KAT6A: variants seen among roughly 807,000 people sequenced by gnomAD.
KAT6A encodes the protein histone acetyltransferase KAT6A.
In KAT6A, 9 loss-of-function variants were observed where a neutral mutation model predicts 198.4. That is an observed-to-expected ratio of 0.05 (90% CI 0.03 to 0.08). The LOEUF is 0.08. KAT6A is among the 10% of genes least tolerant of loss of function. KAT6A has a pLI of 1.00. For missense variants in KAT6A, 2,077 were observed against 2,509.9 expected, an observed-to-expected ratio of 0.83 and a Z score of 3.69; for synonymous variants, 890 against 883.0, an observed-to-expected ratio of 1.01 and a Z score of -0.14.
At chr8:41,991,926 CAAAA>C (rs1313103678) in intron 2 of KAT6A, among the ~76,000 whole-genome samples, 3 of 152,114 alleles carry the variant, frequency 2.0e-5, no homozygotes, top group Admixed American at 2.0e-4. Flanking sequence ...AAAACAGAAA[CAAAA>C]GAAGTAATGA....
At chr8:41,967,274 A>AATTTCTTTATTT (rs1554686630) in intron 8 of KAT6A, among the ~76,000 whole-genome samples, 1 of 142,798 alleles carries the variant, frequency 7.0e-6, no homozygotes, top group Admixed American at 6.9e-5. Context: ...TAAAAAAAAA[A>AATTTCTTTATTT]ATTTATTTAT....
chr8:41,948,709 T>C (rs1822516251), intron 10 of KAT6A, among the ~76,000 whole-genome samples: 1 of 152,204 alleles, frequency 6.6e-6, no homozygotes, highest in Non-Finnish European at 1.5e-5. Flanking sequence ...CCTCTACTGA[T>C]CACTTAAAAG....
At chr8:41,992,597 A>G (rs117129490) in intron 2 of KAT6A, among the ~76,000 whole-genome samples, 1 of 152,312 alleles carries the variant, frequency 6.6e-6, no homozygotes, top group Non-Finnish European at 1.5e-5. Context: ...ACACAATTCA[A>G]TGTAATGACC....
At chr8:41,976,987 A>C in intron 7 of KAT6A, 21 bp downstream of exon 7, 1 of 1,546,212 alleles carries the variant, frequency 6.5e-7, no homozygotes, top group Non-Finnish European at 8.7e-7. Flanking sequence ...ATTTGTTTCT[A>C]AGTCTGTTCT....
Position 41,932,118 on chromosome 8 carries a change from A to G in KAT6A, c.*87T>C. The G allele has an allele frequency of 8.2e-7, 1 of 1,217,060 alleles. No homozygotes were observed. Among genetic ancestry groups the G allele is most frequent in the Non-Finnish European group, 1.1e-6 (1 of 943,540 alleles). The allele number at this position is 1,217,060 out of a possible 1,614,324, so 75.4% of individuals were successfully genotyped here. A position where few individuals can be genotyped will look rare whatever the true frequency, so the allele number is the denominator to read the frequency against. On this transcript the variant is annotated 3_prime_UTR_variant, in exon 17 of 17. Transcript: ENST00000265713. ...AAATCTACAGCAATATTTTAACTGG[A>G]AAAAGGTCCATTTTTCTCTGGTTTG...
At chr8:42,021,461 T>A (rs1403344740) in intron 2 of KAT6A, among the ~76,000 whole-genome samples, 1 of 152,224 alleles carries the variant, frequency 6.6e-6, no homozygotes, top group Non-Finnish European at 1.5e-5. Flanking sequence ...ATGAATTTTG[T>A]AATTTAGGTA....
intron 8 of KAT6A, among the ~76,000 whole-genome samples, chr8:41,960,361 C>T (rs367856105): frequency 3.2e-4 from 48 of 151,950 alleles, no homozygotes; most frequent in East Asian, 1.4e-3. Flanking sequence ...CGGCGGATCA[C>T]GATCGAGACC....
At chr8:42,047,148 T>G (rs999325993) in intron 2 of KAT6A, among the ~76,000 whole-genome samples, 1 of 152,224 alleles carries the variant, frequency 6.6e-6, no homozygotes, top group Non-Finnish European at 1.5e-5. Flanking sequence ...ATCATTTTAC[T>G]TATGTCTACC....
In KAT6A at chr8:42,049,025, G is replaced by A. The variant is rs768961744; in HGVS notation, c.-48C>T. On this transcript the variant is annotated 5_prime_UTR_variant, in exon 2 of 17. Coordinates refer to ENST00000265713, the MANE Select transcript of KAT6A (RefSeq NM_006766.5). ...TAGAGTCGTTATCCCTTATCCTGAT[G>A]CTGAGTAAGTTTTACACCATGGAAA... 1 of 1,555,400 alleles carries A rather than the reference G, an allele frequency of 6.4e-7. No individual in the cohort carries two copies. The highest frequency in any genetic ancestry group is 1.2e-5 in the South Asian group (1 of 82,844).
intron 2 of KAT6A, among the ~76,000 whole-genome samples, chr8:42,025,902 A>G (rs1351455824): frequency 6.6e-6 from 1 of 152,170 alleles, no homozygotes; most frequent in Non-Finnish European, 1.5e-5. Context: ...GTAGTTTTAC[A>G]GTTTCAGACC....
intron 2 of KAT6A, among the ~76,000 whole-genome samples, chr8:42,027,592 T>A (rs1223553190): frequency 6.6e-6 from 1 of 152,210 alleles, no homozygotes; most frequent in Admixed American, 6.5e-5. Context: ...CAGTTGTTCA[T>A]AATAGTTGCT....
chr8:42,031,968 C>G (rs1827154369), intron 2 of KAT6A, among the ~76,000 whole-genome samples: 1 of 150,670 alleles, frequency 6.6e-6, no homozygotes, highest in Admixed American at 6.6e-5. Flanking sequence ...CTCACTCTAT[C>G]GCCCAGGCTA....
chr8:41,975,016 A>G (rs1285699051), intron 7 of KAT6A, among the ~76,000 whole-genome samples, 194 bp from the exon 8 acceptor site: 1 of 152,210 alleles, frequency 6.6e-6, no homozygotes. Flanking sequence ...GGAAATCCTG[A>G]ATTGTCTTAA....
chr8:42,025,365 CCAT>C (rs34958378), intron 2 of KAT6A, among the ~76,000 whole-genome samples: 41,036 of 151,692 alleles, frequency 0.27, 6,580 homozygotes, highest in African/African-American at 0.42. Flanking sequence ...GTGCCCACCA[CCAT>C]GCCTGGCTAA....
At chr8:42,024,374 T>G (rs1311607289) in intron 2 of KAT6A, among the ~76,000 whole-genome samples, 5 of 152,260 alleles carry the variant, frequency 3.3e-5, no homozygotes, top group Non-Finnish European at 7.3e-5. Context: ...TTTTGATACC[T>G]GCATACAATG....
At chr8:41,967,430 A>G (rs1056606276) in intron 8 of KAT6A, among the ~76,000 whole-genome samples, 5 of 147,228 alleles carry the variant, frequency 3.4e-5, no homozygotes, top group Non-Finnish European at 7.5e-5. Flanking sequence ...ATATCTCCCA[A>G]TGCTATCCCT....
chr8:41,937,606 C>T, intron 15 of KAT6A, 38 bp from the exon 16 acceptor site: 2 of 1,465,000 alleles, frequency 1.4e-6, no homozygotes, highest in East Asian at 2.3e-5. Flanking sequence ...CAGTTATGAA[C>T]ACTATCTTTT....
chr8:41,972,861 C>A (rs900885630), intron 8 of KAT6A, among the ~76,000 whole-genome samples: 13 of 152,176 alleles, frequency 8.5e-5, no homozygotes, highest in African/African-American at 2.7e-4. Flanking sequence ...AAAAAAAATT[C>A]TTTCAGTCAG....
chr8:41,933,728 T>C lies in KAT6A; in HGVS notation c.4492A>G (p.Ser1498Gly). 5 of 1,614,126 alleles carry C rather than the reference T, an allele frequency of 3.1e-6. No individual in the cohort carries two copies. Among genetic ancestry groups the C allele is most frequent in the Non-Finnish European group, 4.2e-6 (5 of 1,180,004 alleles). Residue 1498 changes from serine to glycine, a missense_variant, in exon 17 of 17, where the codon AGC (serine) becomes GGC (glycine). Transcript: ENST00000265713. The surrounding 1 kb of genome is among the most constrained non-coding windows in gnomAD (Gnocchi z 6.2). ...TCAAGGGCAGGCACGTTGGGACTGC[T>C]GACCGAACGGACTGACTGGCTGGGG... ...SHPSQSVRSVSSPNVPALESG... is the reference protein window; with the variant it reads ...SHPSQSVRSVGSPNVPALESG...
Sources: allele counts gnomAD v4.1 joint callset (sites outside exome capture counted in the v4.1 genomes callset), GRCh38; gene constraint gnomAD v4.1.1; non-coding constraint Gnocchi (gnomAD v3.1); transcripts MANE v1.5; gene names NCBI Gene and HGNC (gene_info 2026-07-23, HGNC 2026-07-21).